The following ABCC1 variants were observed in gnomAD, a reference collection of about 807,000 sequenced individuals.
The protein encoded by ABCC1 is multidrug resistance-associated protein 1.
ABCC1 carries 83 observed loss-of-function variants against 172.9 expected under a neutral mutation model. That is an observed-to-expected ratio of 0.48 (90% CI 0.40 to 0.58). The LOEUF (loss-of-function observed/expected upper bound fraction) is 0.58, where lower values mean the gene tolerates loss of function less well. Among genes scored for constraint, ABCC1 ranks in the 20% least tolerant of loss-of-function variants. The probability of loss-of-function intolerance (pLI) is 0.00; values close to 1 mark genes in which losing one functional copy is unlikely to be tolerated. For synonymous variants in ABCC1, 937 were observed against 825.2 expected (o/e 1.14, Z -2.32); for missense variants, 1,817 against 2,002.7 (o/e 0.91, Z 1.77).
chr16:16,103,888 T>TA (rs1308282817), intron 20 of ABCC1, among the ~76,000 whole-genome samples: 10 of 152,166 alleles, frequency 6.6e-5, no homozygotes, highest in African/African-American at 2.4e-4. Flanking sequence ...CGGTGAGTGT[T>TA]ACAGTTCTTA....
chr16:16,032,093 C>T (rs1190079936), intron 5 of ABCC1, among the ~76,000 whole-genome samples: 3 of 152,216 alleles, frequency 2.0e-5, no homozygotes, highest in African/African-American at 4.8e-5. Flanking sequence ...TGGGTTCAAG[C>T]GATTCTCTTG....
At chr16:16,082,797 A>T (rs45616235) in intron 16 of ABCC1, among the ~76,000 whole-genome samples, 1 of 152,146 alleles carries the variant, frequency 6.6e-6, no homozygotes, top group African/African-American at 2.4e-5. Context: ...ACAGATGCAC[A>T]GCGCCATGCC....
intron 1 of ABCC1, among the ~76,000 whole-genome samples, chr16:15,996,318 C>T (rs964377606): frequency 1.3e-5 from 2 of 152,150 alleles, no homozygotes; most frequent in Non-Finnish European, 2.9e-5. Context: ...GAGATACAGT[C>T]TCACTGTGTT....
intron 12 of ABCC1, among the ~76,000 whole-genome samples, chr16:16,063,351 G>A (rs1331659427): frequency 3.9e-5 from 6 of 151,984 alleles, no homozygotes; most frequent in Middle Eastern, 3.2e-3. Flanking sequence ...CAAGTGATCC[G>A]CCCACCTCGG....
chr16:16,049,084 G>A (rs553872474), intron 10 of ABCC1, among the ~76,000 whole-genome samples: 1 of 152,112 alleles, frequency 6.6e-6, no homozygotes, highest in Admixed American at 6.6e-5. Flanking sequence ...TGATCCAGGA[G>A]ATCAAGCAAT....
intron 14 of ABCC1, 84 bp from the exon 15 acceptor site, chr16:16,076,242 C>A: frequency 1.5e-6 from 2 of 1,360,854 alleles, no homozygotes; most frequent in Non-Finnish European, 1.0e-6. Flanking sequence ...TGGGGTTGAA[C>A]CATTCAAGCA....
In ABCC1 at chr16:16,136,953, C is replaced by T. The variant is rs8058078; in HGVS notation, c.4292+309C>T. On this transcript the variant is annotated intron_variant, in intron 29 of 30. Coordinates refer to ENST00000399410, the MANE Select transcript of ABCC1 (RefSeq NM_004996.4). ...GTCTTCTGTACCAGTTGGTCACTAG[C>T]ACTGCTCTGAGCCCCCAGGTCCCCA... is the stretch of plus-strand genomic sequence containing the variant. Among the ~76,000 whole-genome samples, 453 of 152,296 alleles carry T rather than the reference C, an allele frequency of 3.0e-3. 7 individuals carry two copies. The highest frequency in any genetic ancestry group is 0.01 in the African/African-American group (427 of 41,564).
intron 11 of ABCC1, among the ~76,000 whole-genome samples, chr16:16,054,175 A>C (rs2049552435): frequency 6.6e-6 from 1 of 151,978 alleles, no homozygotes; most frequent in Non-Finnish European, 1.5e-5. Context: ...AGGCTTTACC[A>C]CATTGGCCAG....
chr16:16,007,214 T>TTGTGTGTGTGTGTGTG (rs71388788), intron 1 of ABCC1, among the ~76,000 whole-genome samples: 2,261 of 145,730 alleles, frequency 0.016, 60 homozygotes, highest in African/African-American at 0.054. Context: ...GTATGCACTG[T>TTGTGTGTGTGTGTGTG]TGTGTGTGTG....
rs561609604 is a variant in ABCC1 at position 15,988,478 on chromosome 16, C to A, written c.49-19338C>A. 6.6e-5 allele frequency among the ~76,000 whole-genome samples: 10 copies of A among 152,278 alleles called. No homozygotes were observed. In the East Asian group the frequency reaches 1.9e-3, roughly 29 times the overall value. On this transcript the variant is annotated intron_variant, in intron 1 of 30. Coordinates refer to ENST00000399410, the MANE Select transcript of ABCC1 (RefSeq NM_004996.4). Reference sequence around the variant, plus strand: ...GACATATCCCTATGCCCAGCACATGCCTGACCCCTCACAAGACCCTGGAAC... The same window carrying A: ...GACATATCCCTATGCCCAGCACATGACTGACCCCTCACAAGACCCTGGAAC...
chr16:16,081,996 C>T (rs943539991), intron 16 of ABCC1, among the ~76,000 whole-genome samples: 5 of 152,102 alleles, frequency 3.3e-5, no homozygotes, highest in East Asian at 1.9e-4. Context: ...CCAGCCTGAG[C>T]GACAGCAAGG....
intron 1 of ABCC1, among the ~76,000 whole-genome samples, chr16:16,001,418 T>G (rs2047303700): frequency 6.6e-6 from 1 of 152,022 alleles, no homozygotes; most frequent in Non-Finnish European, 1.5e-5. Context: ...TTCACTGTGG[T>G]CTCGATCTGC....
At chr16:16,098,455 C>T (rs767795282) in intron 19 of ABCC1, among the ~76,000 whole-genome samples, 14 of 152,224 alleles carry the variant, frequency 9.2e-5, no homozygotes, top group Non-Finnish European at 2.1e-4. Context: ...CCCGTCTCTA[C>T]TAAAAATACG....
chr16:16,057,465 T>A lies in ABCC1; in HGVS notation c.1677+1170T>A, dbSNP rs150497269. On this transcript the variant is annotated intron_variant, in intron 12 of 30. Transcript: ENST00000399410. ...TCCAGATGGGCATTTTTGTCGTTTCTCTTGACTGCTGTATCCTCAGTATAT... is the reference window on the plus strand; with the variant it reads ...TCCAGATGGGCATTTTTGTCGTTTCACTTGACTGCTGTATCCTCAGTATAT... Among the ~76,000 whole-genome samples, 13 of 151,996 alleles carry A rather than the reference T, an allele frequency of 8.6e-5. No individual in the cohort carries two copies. In the East Asian group the frequency reaches 2.5e-3, roughly 29 times the overall value.
At chr16:16,098,367 C>G (rs1479104691) in intron 19 of ABCC1, 1 of 195,320 alleles carries the variant, frequency 5.1e-6, no homozygotes, top group African/African-American at 2.3e-5. Context: ...GCCTGTAATC[C>G]TAGCACTTTG....
intron 7 of ABCC1, among the ~76,000 whole-genome samples, chr16:16,037,551 A>G (rs576393705): frequency 2.0e-5 from 3 of 152,230 alleles, no homozygotes; most frequent in Non-Finnish European, 4.4e-5. Flanking sequence ...GAACTGGAAC[A>G]TGAAATTGTG....
Position 16,016,660 on chromosome 16 carries a change from G to T in ABCC1, c.615+39G>T, listed in dbSNP as rs1015700231. The T allele has an allele frequency of 2.5e-6, 4 of 1,611,532 alleles. No homozygotes were observed. In the African/African-American group the frequency reaches 5.3e-5, roughly 22 times the overall value. ...CAGATGAGTGTGTGTGCGTGTGTGT[G>T]TGAGAGAGATGCGTGACACAGTACC... On this transcript the variant is annotated intron_variant, in intron 5 of 30. Coordinates refer to ENST00000399410, the MANE Select transcript of ABCC1 (RefSeq NM_004996.4).
At chr16:16,104,023 C>T (rs2051924940) in intron 20 of ABCC1, among the ~76,000 whole-genome samples, 2 of 152,116 alleles carry the variant, frequency 1.3e-5, no homozygotes, top group Admixed American at 6.5e-5. Context: ...GTAAGTGTTA[C>T]AGCTCTTAAG....
chr16:16,068,439 T>C, intron 13 of ABCC1, 137 bp downstream of exon 13: 1 of 986,572 alleles, frequency 1.0e-6, no homozygotes, highest in South Asian at 1.5e-5. Context: ...AAGGCTGCCA[T>C]GCTTTCGTCT....
Sources: gnomAD v4.1 joint callset for allele counts (sites outside exome capture counted in the v4.1 genomes callset) on GRCh38, gnomAD v4.1.1 for gene constraint, MANE v1.5 for transcripts, NCBI Gene and HGNC (gene_info 2026-07-23, HGNC 2026-07-21) for gene names.